SLC38A12: variants seen among roughly 807,000 people sequenced by gnomAD.
SLC38A12 encodes the protein solute carrier family 38 member 12.
the SLC38A12 span, among the ~76,000 whole-genome samples, chr17:74,782,926 T>C: frequency 6.6e-6 from 1 of 152,160 alleles, no homozygotes; most frequent in Non-Finnish European, 1.5e-5. Flanking sequence ...GGTCAGGGGT[T>C]CGAGACCCAG....
the SLC38A12 span, among the ~76,000 whole-genome samples, chr17:74,808,781 TG>T: frequency 6.6e-6 from 1 of 152,014 alleles, no homozygotes; most frequent in South Asian, 2.1e-4. Context: ...GTTCCAAAGG[TG>T]GGTGGAGTTT....
chr17:74,801,047 C>T, the SLC38A12 span, among the ~76,000 whole-genome samples: 328 of 152,290 alleles, frequency 2.2e-3, 3 homozygotes, highest in African/African-American at 7.1e-3. Flanking sequence ...GGAGGAGACT[C>T]CAGGACGCCT....
At chr17:74,788,673 A>C in the SLC38A12 span, 1 of 789,084 alleles carries the variant, frequency 1.3e-6, no homozygotes, top group Non-Finnish European at 2.0e-6. Flanking sequence ...AACAGCTCTC[A>C]GAAAAGAGAA....
chr17:74,806,902 C>T, the SLC38A12 span, among the ~76,000 whole-genome samples: 28 of 152,210 alleles, frequency 1.8e-4, no homozygotes, highest in African/African-American at 6.5e-4. Context: ...CAGCCCCCTC[C>T]CTGGTGTGCA....
At chr17:74,804,050 A>G in the SLC38A12 span, among the ~76,000 whole-genome samples, 1 of 152,184 alleles carries the variant, frequency 6.6e-6, no homozygotes, top group Non-Finnish European at 1.5e-5. Flanking sequence ...TATATGCCAA[A>G]CTGTTTGTCT....
chr17:74,836,151 G>T, the SLC38A12 span: 1 of 1,613,688 alleles, frequency 6.2e-7, no homozygotes, highest in South Asian at 1.1e-5. The surrounding 1 kb of genome is among the most constrained non-coding windows in gnomAD (Gnocchi z 4.2). Context: ...GGCCTTCTAC[G>T]GCCTCCTCTC....
the SLC38A12 span, among the ~76,000 whole-genome samples, chr17:74,788,278 C>T: frequency 2.2e-4 from 34 of 152,190 alleles, no homozygotes; most frequent in Non-Finnish European, 3.5e-4. Flanking sequence ...GGATGGATTC[C>T]GGAGCCAAGT....
At chr17:74,785,130 C>G in the SLC38A12 span, among the ~76,000 whole-genome samples, 1 of 152,118 alleles carries the variant, frequency 6.6e-6, no homozygotes, top group Non-Finnish European at 1.5e-5. Context: ...GTGCCAGGTA[C>G]CCCGCCTATG....
the SLC38A12 span, chr17:74,790,360 G>A: frequency 8.3e-6 from 12 of 1,442,144 alleles, no homozygotes; most frequent in East Asian, 2.7e-4. Context: ...CTTTCTTCAT[G>A]GAGAGGGCCC....
chr17:74,777,289 A>G, the SLC38A12 span: 1 of 1,613,712 alleles, frequency 6.2e-7, no homozygotes, highest in Admixed American at 1.7e-5. Flanking sequence ...CCGTCCTTGC[A>G]CCTAAGGAAC....
At chr17:74,792,907 G>A in the SLC38A12 span, among the ~76,000 whole-genome samples, 276 of 152,298 alleles carry the variant, frequency 1.8e-3, no homozygotes, top group African/African-American at 5.3e-3. Context: ...AAGCATAAGC[G>A]TTTCCTCCTG....
the SLC38A12 span, among the ~76,000 whole-genome samples, chr17:74,831,959 A>G: frequency 6.6e-6 from 1 of 152,124 alleles, no homozygotes; most frequent in East Asian, 1.9e-4. Flanking sequence ...TTGATTTATG[A>G]TCAGACCTAA....
the SLC38A12 span, chr17:74,836,318 G>C: frequency 6.2e-7 from 1 of 1,612,998 alleles, no homozygotes; most frequent in South Asian, 1.1e-5. This position sits in a 1 kb window ranked among gnomAD's most constrained non-coding sequence, Gnocchi z 4.2. Context: ...TCATTGCCGT[G>C]ACCCTGCGCA....
chr17:74,800,194 G>C, the SLC38A12 span, among the ~76,000 whole-genome samples: 2 of 152,216 alleles, frequency 1.3e-5, no homozygotes, highest in African/African-American at 4.8e-5. Flanking sequence ...GGCCCCCACT[G>C]CCATGTGCAG....
At chr17:74,803,363 G>A in the SLC38A12 span, among the ~76,000 whole-genome samples, 1 of 152,046 alleles carries the variant, frequency 6.6e-6, no homozygotes, top group Admixed American at 6.5e-5. Flanking sequence ...AGTAACCAGC[G>A]ATTCCCCTTC....
At chr17:74,789,867 A>AG in the SLC38A12 span, among the ~76,000 whole-genome samples, 140 of 148,576 alleles carry the variant, frequency 9.4e-4, no homozygotes, top group African/African-American at 3.4e-3. Context: ...AAAAAAAAAA[A>AG]GGAAGCAGGT....
chr17:74,779,996 AT>A, the SLC38A12 span, among the ~76,000 whole-genome samples: 1 of 152,222 alleles, frequency 6.6e-6, no homozygotes, highest in Non-Finnish European at 1.5e-5. Context: ...CAGGATAGGC[AT>A]GTCTGTTTCC....
At chr17:74,829,526 T>C in the SLC38A12 span, among the ~76,000 whole-genome samples, 1 of 152,134 alleles carries the variant, frequency 6.6e-6, no homozygotes, top group African/African-American at 2.4e-5. This position sits in a 1 kb window ranked among gnomAD's most constrained non-coding sequence, Gnocchi z 4.1. Flanking sequence ...TCGGTGCTTC[T>C]CTGTCAGAGC....
At chr17:74,790,305 T>C in the SLC38A12 span, 1 of 1,613,396 alleles carries the variant, frequency 6.2e-7, no homozygotes, top group Admixed American at 1.7e-5. Flanking sequence ...GCGTAAGTCT[T>C]GGGGTTCTCG....
Sources: gnomAD v4.1 joint callset for allele counts (sites outside exome capture counted in the v4.1 genomes callset) on GRCh38, gnomAD v4.1.1 for gene constraint, Gnocchi (gnomAD v3.1) non-coding constraint, MANE v1.5 for transcripts, NCBI Gene and HGNC (gene_info 2026-07-23, HGNC 2026-07-21) for gene names.